RFC3: variants seen among roughly 807,000 people sequenced by gnomAD.
RFC3 encodes the protein A1 38 kDa subunit.
Under a neutral mutation model 45.1 loss-of-function variants are expected in RFC3, and 41 were observed. That is an observed-to-expected ratio of 0.91 (90% CI 0.71 to 1.18). The LOEUF (loss-of-function observed/expected upper bound fraction) is 1.18, where lower values mean the gene tolerates loss of function less well. Ranked by LOEUF, RFC3 falls within the 50% of genes most tolerant of loss-of-function variation. The pLI is 0.00. For missense variants in RFC3, 423 were observed against 428.1 expected, an observed-to-expected ratio of 0.99 and a Z score of 0.10; for synonymous variants, 149 against 144.0, an observed-to-expected ratio of 1.03 and a Z score of -0.25.
intron 8 of RFC3, among the ~76,000 whole-genome samples, chr13:33,854,617 C>T (rs1167046216): frequency 6.6e-6 from 1 of 152,048 alleles, no homozygotes; most frequent in East Asian, 1.9e-4. Flanking sequence ...GTGGAAATAG[C>T]CCCTGTGGCA....
intron 8 of RFC3, among the ~76,000 whole-genome samples, chr13:33,939,074 G>A (rs373562762): frequency 3.6e-4 from 55 of 152,106 alleles, no homozygotes; most frequent in African/African-American, 1.3e-3. Context: ...AACATGAAGG[G>A]CATGCTAAGG....
intron 8 of RFC3, among the ~76,000 whole-genome samples, chr13:33,945,362 C>T (rs1345492494): frequency 6.6e-6 from 1 of 152,114 alleles, no homozygotes; most frequent in East Asian, 1.9e-4. Flanking sequence ...ACGAGGGATT[C>T]TGATTCTTAG....
chr13:33,896,179 G>A (rs986009447), intron 8 of RFC3, among the ~76,000 whole-genome samples: 9 of 150,586 alleles, frequency 6.0e-5, no homozygotes, highest in African/African-American at 1.2e-4. Context: ...ATATATATAT[G>A]TATATATATA....
intron 8 of RFC3, among the ~76,000 whole-genome samples, chr13:33,883,669 G>C (rs925473299): frequency 6.6e-6 from 1 of 152,076 alleles, no homozygotes; most frequent in African/African-American, 2.4e-5. Context: ...ATGGATCTCT[G>C]TATTATTTTT....
intron 8 of RFC3, among the ~76,000 whole-genome samples, chr13:33,957,279 A>G (rs2083027788): frequency 6.6e-6 from 1 of 152,214 alleles, no homozygotes; most frequent in East Asian, 1.9e-4. Context: ...ACCTCATTGG[A>G]TGATCAAGCC....
At chr13:33,884,910 T>A (rs1360868204) in intron 8 of RFC3, among the ~76,000 whole-genome samples, 2 of 152,210 alleles carry the variant, frequency 1.3e-5, no homozygotes, top group Admixed American at 6.5e-5. Context: ...CTTTTCAAGA[T>A]CAACTTTTCC....
In RFC3 at chr13:33,917,107, C is replaced by T. The variant is rs184821643; in HGVS notation, c.880-48980C>T. 2.6e-5 allele frequency among the ~76,000 whole-genome samples: 4 copies of T among 152,178 alleles called. No individual in the cohort carries two copies. The East Asian group carries it at 7.7e-4, about 29-fold the overall frequency. ...CTCCTGTTTTCATTTGCTTAAAATG[C>T]GAATAGATTGCAAGACATCCAGGAT... On this transcript the variant is annotated intron_variant, in intron 8 of 8. Transcript: ENST00000434425.
chr13:33,929,660 G>A (rs78203933), intron 8 of RFC3, among the ~76,000 whole-genome samples: 3,443 of 151,956 alleles, frequency 0.023, 125 homozygotes, highest in African/African-American at 0.075. Context: ...CTCTATAAAT[G>A]AACAGTGCTA....
intron 8 of RFC3, among the ~76,000 whole-genome samples, chr13:33,903,766 G>T (rs1041471104): frequency 6.6e-6 from 1 of 152,028 alleles, no homozygotes. Flanking sequence ...TATGGGAAAT[G>T]GTTTGGGGTC....
chr13:33,969,888 G>T (rs965223474), downstream of RFC3, among the ~76,000 whole-genome samples: 15 of 150,682 alleles, frequency 1.0e-4, no homozygotes, highest in Non-Finnish European at 1.9e-4. Flanking sequence ...AAGATATTAA[G>T]TGGCTATTTA....
At chr13:33,937,105 T>C (rs1480122461) in intron 8 of RFC3, among the ~76,000 whole-genome samples, 2 of 152,144 alleles carry the variant, frequency 1.3e-5, no homozygotes, top group African/African-American at 4.8e-5. Context: ...ATGTACCATG[T>C]AATGTTTCAG....
intron 8 of RFC3, among the ~76,000 whole-genome samples, chr13:33,943,220 A>G (rs2082935365): frequency 6.6e-6 from 1 of 152,172 alleles, no homozygotes; most frequent in African/African-American, 2.4e-5. Context: ...AAATAGACCT[A>G]GGGTCTCTAT....
intron 4 of RFC3, 80 bp from the exon 5 acceptor site, chr13:33,829,756 G>C: frequency 9.2e-7 from 1 of 1,081,510 alleles, no homozygotes; most frequent in Non-Finnish European, 1.4e-6. Flanking sequence ...TTTCATCCTG[G>C]ATAATGAGAA....
chr13:33,942,776 G>C (rs1219427027), intron 8 of RFC3, among the ~76,000 whole-genome samples: 1 of 151,968 alleles, frequency 6.6e-6, no homozygotes, highest in Admixed American at 6.6e-5. Context: ...TATCACGTTA[G>C]CTGTATACTT....
At chr13:33,818,893 T>G (rs1052646824) in intron 1 of RFC3, among the ~76,000 whole-genome samples, 80 of 145,654 alleles carry the variant, frequency 5.5e-4, no homozygotes, top group African/African-American at 1.8e-3. Context: ...TTTTTTTTTT[T>G]TTTTTTTTTT....
intron 8 of RFC3, among the ~76,000 whole-genome samples, chr13:33,894,205 C>T (rs2082582206): frequency 6.6e-6 from 1 of 152,104 alleles, no homozygotes; most frequent in Non-Finnish European, 1.5e-5. Context: ...GATAAGCTGC[C>T]TCTGGGATAT....
intron 8 of RFC3, among the ~76,000 whole-genome samples, chr13:33,936,153 G>A (rs992601704): frequency 2.6e-5 from 4 of 152,130 alleles, no homozygotes; most frequent in Admixed American, 6.5e-5. Context: ...CCCCCAAGGT[G>A]TGGAAGCCAC....
intron 8 of RFC3, among the ~76,000 whole-genome samples, chr13:33,891,064 C>G: frequency 6.6e-6 from 1 of 152,092 alleles, no homozygotes; most frequent in East Asian, 1.9e-4. Flanking sequence ...TAATTTTTAT[C>G]TTTTTAGTCC....
At chr13:33,831,081 A>G (rs1344010635) in intron 6 of RFC3, among the ~76,000 whole-genome samples, 175 bp from the exon 7 acceptor site, 1 of 152,200 alleles carries the variant, frequency 6.6e-6, no homozygotes, top group African/African-American at 2.4e-5. Flanking sequence ...TCAGAAGCTA[A>G]TAACATCACT....
Sources: allele counts gnomAD v4.1 joint callset (sites outside exome capture counted in the v4.1 genomes callset), GRCh38; gene constraint gnomAD v4.1.1; transcripts MANE v1.5; gene names NCBI Gene and HGNC (gene_info 2026-07-23, HGNC 2026-07-21).